TTC6: variants seen among roughly 807,000 people sequenced by gnomAD.
The protein encoded by TTC6 is tetratricopeptide repeat domain 6, also known as tetratricopeptide repeat protein 6.
In TTC6, 172 loss-of-function variants were observed where a neutral mutation model predicts 210.4. The observed-to-expected ratio is 0.82, with a 90% CI of 0.72 to 0.93. TTC6 has a LOEUF of 0.93. Among genes scored for constraint, TTC6 ranks in the 40% least tolerant of loss-of-function variants. The pLI is 0.00. For synonymous variants in TTC6, 804 were observed against 819.6 expected, an observed-to-expected ratio of 0.98 and a Z score of 0.32; for missense variants, 2,414 against 2,318.1, an observed-to-expected ratio of 1.04 and a Z score of -0.85.
Position 37,696,707 on chromosome 14 carries a change from T to G in TTC6, c.1258-10T>G. On this transcript the variant is annotated splice_polypyrimidine_tract_variant and intron_variant, in intron 3 of 30. Transcript: ENST00000553443. ...CTTCTCTTAACAGCACACTTTATATTTTCTTAAAGGCAAAATCACCAGAAT... is the reference window on the plus strand; with the variant it reads ...CTTCTCTTAACAGCACACTTTATATGTTCTTAAAGGCAAAATCACCAGAAT... 7.1e-7 allele frequency: 1 copy of G among 1,400,330 alleles called. No individual in the cohort carries two copies. Among genetic ancestry groups the G allele is most frequent in the Non-Finnish European group, 9.4e-7 (1 of 1,066,578 alleles). The allele number at this position is 1,400,330 out of a possible 1,614,324, so 86.7% of individuals were successfully genotyped here. A position where few individuals can be genotyped will look rare whatever the true frequency, so the allele number is the denominator to read the frequency against.
intron 14 of TTC6, among the ~76,000 whole-genome samples, chr14:37,755,850 C>T (rs1003101559): frequency 1.3e-5 from 2 of 152,014 alleles, no homozygotes; most frequent in African/African-American, 4.8e-5. Context: ...TTTTGTGGTT[C>T]CATATGAACT....
At chr14:37,704,965 AT>A (rs1450685985) in intron 5 of TTC6, among the ~76,000 whole-genome samples, 1 of 152,142 alleles carries the variant, frequency 6.6e-6, no homozygotes, top group East Asian at 1.9e-4. Flanking sequence ...AATACCTTAA[AT>A]TCCAACATGT....
chr14:37,708,176 A>G (rs970410846), intron 5 of TTC6, among the ~76,000 whole-genome samples: 1 of 151,992 alleles, frequency 6.6e-6, no homozygotes, highest in African/African-American at 2.4e-5. Flanking sequence ...ATATATCTAT[A>G]TATATAAATA....
chr14:37,642,295 G>A (rs1227952000), intron 1 of TTC6, among the ~76,000 whole-genome samples: 1 of 152,164 alleles, frequency 6.6e-6, no homozygotes, highest in Admixed American at 6.5e-5. Context: ...TGTGGAATGA[G>A]ACTTGGGCTG....
chr14:37,628,377 T>A (rs1444768593), intron 1 of TTC6, among the ~76,000 whole-genome samples: 1 of 152,250 alleles, frequency 6.6e-6, no homozygotes, highest in African/African-American at 2.4e-5. Context: ...TGAGCTTTTT[T>A]CATATGTTTG....
intron 9 of TTC6, among the ~76,000 whole-genome samples, chr14:37,738,562 A>G (rs2095908340): frequency 1.3e-5 from 2 of 152,170 alleles, no homozygotes; most frequent in African/African-American, 4.8e-5. Context: ...ATGAAATGTC[A>G]TATGACCAAC....
rs574111676 is a variant in TTC6 at position 37,692,685 on chromosome 14, C to T, written c.1258-4032C>T. 2.4e-3 allele frequency among the ~76,000 whole-genome samples: 371 copies of T among 151,776 alleles called. 2 individuals carry two copies. Among genetic ancestry groups the T allele is most frequent in the African/African-American group, 8.3e-3 (344 of 41,404 alleles). On this transcript the variant is annotated intron_variant, in intron 3 of 30. Transcript: ENST00000553443. Reference sequence around the variant, plus strand: ...ACAAGCCTGGCCAACACAGAGAAACCCCATCTCCACTAAAAATACAAAAAT... The same window carrying T: ...ACAAGCCTGGCCAACACAGAGAAACTCCATCTCCACTAAAAATACAAAAAT...
At chr14:37,797,844 T>C (rs904605837) in intron 20 of TTC6, among the ~76,000 whole-genome samples, 4 of 152,070 alleles carry the variant, frequency 2.6e-5, no homozygotes, top group African/African-American at 9.7e-5. Flanking sequence ...GAGAGAGTGA[T>C]AAAATTTCAG....
intron 1 of TTC6, among the ~76,000 whole-genome samples, chr14:37,677,305 A>G (rs2095772152): frequency 6.6e-6 from 1 of 151,856 alleles, no homozygotes; most frequent in Non-Finnish European, 1.5e-5. Flanking sequence ...ATTCTCATTT[A>G]TGGCATTTTA....
In TTC6 at chr14:37,749,325, C is replaced by T. The variant is rs144956186; in HGVS notation, c.2750C>T (p.Ala917Val). The change falls in exon 11 of 31, where the codon GCA becomes GTA. Residue 917 changes from alanine to valine, a missense_variant. By Grantham distance (64) the Ala-to-Val change is moderately conservative (BLOSUM62 0). Coordinates refer to ENST00000553443, the Ensembl canonical transcript of TTC6. The stretch of plus-strand genomic sequence containing the variant: ...ATAAATGATAAGACAAAATATCCTG[C>T]ATTTGCATATTGTAGGCGTGGAGCT... The T allele has an allele frequency of 2.2e-3, 3,275 of 1,511,208 alleles. 8 individuals carry two copies. The highest frequency in any genetic ancestry group is 2.2e-3 in the Non-Finnish European group (2,521 of 1,134,288). 93.6% of individuals were successfully genotyped at this position (1,511,208 alleles called of 1,614,324 possible).
chr14:37,671,792 A>G (rs1176556514), intron 1 of TTC6, among the ~76,000 whole-genome samples: 1 of 152,102 alleles, frequency 6.6e-6, no homozygotes. Context: ...GAGGAAGGGA[A>G]ATGATTGGAT....
At chr14:37,785,669 G>A (rs1304729697) in intron 14 of TTC6, among the ~76,000 whole-genome samples, 1 of 152,208 alleles carries the variant, frequency 6.6e-6, no homozygotes, top group African/African-American at 2.4e-5. Context: ...TTGCTGGCGA[G>A]GAGCTGCGTT....
intron 1 of TTC6, among the ~76,000 whole-genome samples, chr14:37,637,905 A>G (rs1325683956): frequency 1.3e-5 from 2 of 152,200 alleles, no homozygotes; most frequent in Non-Finnish European, 1.5e-5. Flanking sequence ...TGACATAGCC[A>G]CTCTGGAAAA....
intron 14 of TTC6, among the ~76,000 whole-genome samples, chr14:37,786,446 T>C (rs755925024): frequency 3.9e-5 from 6 of 152,228 alleles, no homozygotes; most frequent in Non-Finnish European, 8.8e-5. Context: ...TATAATCTAC[T>C]GGTATGCCAT....
At chr14:37,808,763 A>G (rs759484857) in exon 24 of TTC6, 1 of 1,520,114 alleles carries the variant, frequency 6.6e-7, no homozygotes, top group Non-Finnish European at 8.8e-7. Flanking sequence ...AGATTTAACT[A>G]CAGCTATCAG....
chr14:37,660,140 A>T (rs1389062932), intron 1 of TTC6, among the ~76,000 whole-genome samples: 2 of 151,076 alleles, frequency 1.3e-5, no homozygotes, highest in African/African-American at 4.9e-5. Flanking sequence ...TTTTGGCTGC[A>T]ATTACTTTTG....
chr14:37,765,278 T>TCAGACTCC (rs1358350971), intron 14 of TTC6, among the ~76,000 whole-genome samples: 2 of 150,892 alleles, frequency 1.3e-5, no homozygotes, highest in Non-Finnish European at 2.9e-5. Context: ...TCCTCCCACC[T>TCAGACTCC]CAGACTCCCA....
chr14:37,757,421 C>T (rs1306400756), intron 14 of TTC6, among the ~76,000 whole-genome samples: 2 of 151,748 alleles, frequency 1.3e-5, no homozygotes, highest in Admixed American at 1.3e-4. Context: ...CCACCATGCC[C>T]GGCTAATTTT....
At chr14:37,643,469 A>G (rs1473685349) in intron 1 of TTC6, among the ~76,000 whole-genome samples, 1 of 152,218 alleles carries the variant, frequency 6.6e-6, no homozygotes, top group Non-Finnish European at 1.5e-5. Flanking sequence ...GCCAGGAGGA[A>G]GAGCCAATGC....
Sources: gnomAD v4.1 joint callset for allele counts (sites outside exome capture counted in the v4.1 genomes callset) on GRCh38, gnomAD v4.1.1 for gene constraint, MANE v1.5 for transcripts, NCBI Gene and HGNC (gene_info 2026-07-23, HGNC 2026-07-21) for gene names.